Variants in WDR93 observed in about 807,000 individuals in gnomAD.
WDR93 encodes WD repeat domain 93, also known as WD repeat-containing protein 93.
A neutral mutation model predicts 82.9 loss-of-function variants in WDR93; 73 were observed. That is an observed-to-expected ratio of 0.88 (90% CI 0.73 to 1.07). The LOEUF (loss-of-function observed/expected upper bound fraction) is 1.07. Among genes scored for constraint, WDR93 ranks in the 50% least tolerant of loss-of-function variants. The pLI is 0.00. For missense variants in WDR93, 738 were observed against 826.0 expected (o/e 0.89, Z 1.31); for synonymous variants, 283 against 300.1 (o/e 0.94, Z 0.59).
intron 1 of WDR93, among the ~76,000 whole-genome samples, chr15:89,694,511 A>G (rs1965068389): frequency 6.6e-6 from 1 of 152,160 alleles, no homozygotes; most frequent in Non-Finnish European, 1.5e-5. Context: ...CTGGGATTAC[A>G]GGCGTGAGCC....
rs1028571384 is a variant in WDR93 at position 89,709,277 on chromosome 15, A to G, written c.562-2749A>G. 4.6e-5 allele frequency among the ~76,000 whole-genome samples: 7 copies of G among 152,312 alleles called. No individual in the cohort carries two copies. The East Asian group carries it at 1.3e-3, about 29-fold the overall frequency. ...TGGCAGAGACAAAAGCAAGGGATCC[A>G]CCAGCTGAGAATGCCTTGGATCCTG... On this transcript the variant is annotated intron_variant, in intron 4 of 16. Transcript: ENST00000268130.
At position 89,743,334 on chromosome 15, in the gene WDR93, C is replaced by T; in HGVS notation, c.2004C>T (p.His668=). The change falls in exon 17 of 17, where the codon CAC becomes CAT. Residue 668 remains histidine, a synonymous_variant. Transcript: ENST00000268130. ...LEKNPEKEEE[H]WARLQRYSLS... ...AGAACCCAGAGAAGGAGGAGGAGCA[C>T]TGGGCCCGGCTTCAGAGGTACTCCT... 1 of 1,614,194 alleles carries T rather than the reference C, an allele frequency of 6.2e-7. No homozygotes were observed. Among genetic ancestry groups the T allele is most frequent in the Non-Finnish European group, 8.5e-7 (1 of 1,180,030 alleles).
In WDR93 at chr15:89,730,282, A is replaced by G. The variant is rs555067570; in HGVS notation, c.1210+513A>G. Among the ~76,000 whole-genome samples, 74 of 149,618 alleles carry G rather than the reference A, an allele frequency of 4.9e-4. No individual in the cohort carries two copies. In the Middle Eastern group the frequency reaches 0.01, roughly 21 times the overall value. ...AGAGGTTGCAGTGAGCCAAGATCAC[A>G]CCACTGCACTCCAGCCTGGGTGACA... On this transcript the variant is annotated intron_variant, in intron 11 of 16. Coordinates refer to ENST00000268130, the MANE Select transcript of WDR93 (RefSeq NM_020212.2).
chr15:89,727,386 C>A, intron 9 of WDR93, 58 bp downstream of exon 9: 1 of 1,572,050 alleles, frequency 6.4e-7, no homozygotes, highest in Non-Finnish European at 8.7e-7. Flanking sequence ...GCTGTCTTGG[C>A]ACATGCAGGA....
chr15:89,743,212 G>A lies in WDR93; in HGVS notation c.1962-80G>A, dbSNP rs1967812743. The A allele has an allele frequency of 7.3e-6, 10 of 1,366,724 alleles. No homozygotes were observed. In the South Asian group the frequency reaches 1.1e-4, roughly 14 times the overall value. The allele number at this position is 1,366,724 out of a possible 1,614,324, so 84.7% of individuals were successfully genotyped here. ...TTAGAGTTTCTCATAGGAGCACAGG[G>A]TAGTCGAGGTCTGCCCTGGGGGCTC... On this transcript the variant is annotated intron_variant, in intron 16 of 16. Coordinates refer to ENST00000268130, the MANE Select transcript of WDR93 (RefSeq NM_020212.2).
At chr15:89,715,615 G>T (rs533077896) in intron 6 of WDR93, among the ~76,000 whole-genome samples, 2 of 151,632 alleles carry the variant, frequency 1.3e-5, no homozygotes, top group Non-Finnish European at 2.9e-5. Flanking sequence ...TTTGAGTCTC[G>T]CTCTGTTGCC....
chr15:89,743,452 G>A lies in WDR93; in HGVS notation c.*61G>A. On this transcript the variant is annotated 3_prime_UTR_variant, in exon 17 of 17. Coordinates refer to ENST00000268130, the MANE Select transcript of WDR93 (RefSeq NM_020212.2). Reference sequence around the variant, plus strand: ...TTCAGCCACGAGGCAGCTGCTCCCAGGACACTGAGGCCAAGAGAAATGTAA... The same window carrying A: ...TTCAGCCACGAGGCAGCTGCTCCCAAGACACTGAGGCCAAGAGAAATGTAA... 1 of 1,517,648 alleles carries A rather than the reference G, an allele frequency of 6.6e-7. No individual in the cohort carries two copies. The highest frequency in any genetic ancestry group is 9.1e-7 in the Non-Finnish European group (1 of 1,097,572). The allele number at this position is 1,517,648 out of a possible 1,614,324, so 94.0% of individuals were successfully genotyped here. A position where few individuals can be genotyped will look rare whatever the true frequency, so the allele number is the denominator to read the frequency against.
intron 3 of WDR93, chr15:89,704,404 AG>A (rs1368056023): frequency 6.6e-6 from 1 of 152,250 alleles, no homozygotes; most frequent in Non-Finnish European, 1.5e-5. Context: ...AGGGATACAA[AG>A]AAACTCTGTA....
At chr15:89,715,199 AAG>A (rs774197030) in intron 6 of WDR93, 104 bp downstream of exon 6, 20 of 885,730 alleles carry the variant, frequency 2.3e-5, no homozygotes, top group Non-Finnish European at 2.9e-5. Flanking sequence ...TCTGGGCTAT[AAG>A]AGAGGACAAC....
At chr15:89,712,169 C>G in intron 5 of WDR93, 65 bp downstream of exon 5, 1 of 1,295,176 alleles carries the variant, frequency 7.7e-7, no homozygotes, top group Non-Finnish European at 1.1e-6. Context: ...CAAATGATTG[C>G]TTTTGTCCCT....
chr15:89,731,961 C>G (rs995182495), intron 12 of WDR93, among the ~76,000 whole-genome samples: 1 of 152,198 alleles, frequency 6.6e-6, no homozygotes, highest in African/African-American at 2.4e-5. Context: ...TATTCTGTCT[C>G]ATCCCCAGTC....
chr15:89,714,151 C>T (rs1204169152), intron 5 of WDR93: 1 of 152,226 alleles, frequency 6.6e-6, no homozygotes, highest in Non-Finnish European at 1.5e-5. Flanking sequence ...CTTCCTCAGA[C>T]ACACTTCTCT....
chr15:89,703,171 T>C (rs1255877442), intron 3 of WDR93, 29 bp downstream of exon 3: 2 of 1,612,334 alleles, frequency 1.2e-6, no homozygotes, highest in African/African-American at 2.7e-5. Context: ...CTTTTTAGCC[T>C]CATTTACAGG....
At chr15:89,733,298 CCT>C in intron 13 of WDR93, 79 bp downstream of exon 13, 1 of 1,349,800 alleles carries the variant, frequency 7.4e-7, no homozygotes, top group Non-Finnish European at 1.0e-6. Flanking sequence ...AATCTGACAG[CCT>C]CTCTGACTAC....
At chr15:89,691,477 G>C (rs1964878008) in intron 1 of WDR93, among the ~76,000 whole-genome samples, 2 of 152,216 alleles carry the variant, frequency 1.3e-5, no homozygotes, top group Non-Finnish European at 2.9e-5. Context: ...CCAACACTTT[G>C]GGAGCCGAGG....
chr15:89,740,165 T>C (rs1967541935), intron 16 of WDR93, among the ~76,000 whole-genome samples: 2 of 152,174 alleles, frequency 1.3e-5, no homozygotes, highest in African/African-American at 4.8e-5. Context: ...CAGTAAATGG[T>C]AGTTATGACC....
chr15:89,715,096 G>A lies in WDR93; in HGVS notation c.756+1G>A. The A allele has an allele frequency of 1.2e-6, 2 of 1,612,728 alleles. No individual in the cohort carries two copies. The highest frequency in any genetic ancestry group is 1.7e-6 in the Non-Finnish European group (2 of 1,179,392). On this transcript the variant is annotated splice_donor_variant, in intron 6 of 16. Coordinates refer to ENST00000268130, the MANE Select transcript of WDR93 (RefSeq NM_020212.2). LOFTEE classifies it high-confidence loss of function. ...GAAAAAAGTCAGACAGCCGCAACTG[G>A]TAGGAAATATCTCTGCTTTCAGCTG...
At chr15:89,700,839 G>A (rs1965424920) in intron 1 of WDR93, among the ~76,000 whole-genome samples, 1 of 152,064 alleles carries the variant, frequency 6.6e-6, no homozygotes, top group African/African-American at 2.4e-5. Context: ...TTATGGGCAT[G>A]AACCACCCCA....
rs1009506044 is a variant in WDR93 at position 89,731,699 on chromosome 15, C to T, written c.1330+137C>T. ...AAGTCACCTTGGGGAACTGGTCCTA[C>T]TCCCCTCTCATTCATTTATTCAACA... On this transcript the variant is annotated intron_variant, in intron 12 of 16. Coordinates refer to ENST00000268130, the MANE Select transcript of WDR93 (RefSeq NM_020212.2). The T allele has an allele frequency of 1.2e-5, 13 of 1,125,216 alleles. No individual in the cohort carries two copies. The Admixed American group carries it at 2.9e-4, about 25-fold the overall frequency. 69.7% of individuals were successfully genotyped at this position (1,125,216 alleles called of 1,614,324 possible).
Sources: allele counts gnomAD v4.1 joint callset (sites outside exome capture counted in the v4.1 genomes callset), GRCh38; gene constraint gnomAD v4.1.1; transcripts MANE v1.5; gene names NCBI Gene and HGNC (gene_info 2026-07-23, HGNC 2026-07-21).